The following KIT variants were observed in gnomAD, a reference collection of about 807,000 sequenced individuals.
KIT encodes the protein KIT proto-oncogene, receptor tyrosine kinase.
KIT carries 16 observed loss-of-function variants against 105.7 expected under a neutral mutation model. The observed-to-expected ratio is 0.15, with a 90% CI of 0.10 to 0.23. KIT has a LOEUF of 0.23. KIT is among the 10% of genes least tolerant of loss of function. The pLI, the probability that KIT is intolerant of heterozygous loss-of-function variation, is 1.00. For missense variants in KIT, 858 were observed against 1,213.8 expected (o/e 0.71, Z 4.36); for synonymous variants, 438 against 441.1 (o/e 0.99, Z 0.09).
chr4:54,672,845 G>A (rs1052631124), intron 1 of KIT, among the ~76,000 whole-genome samples: 7 of 152,168 alleles, frequency 4.6e-5, no homozygotes, highest in African/African-American at 1.7e-4. Flanking sequence ...GATGCCTTAT[G>A]GGAAGTAGTT....
intron 4 of KIT, among the ~76,000 whole-genome samples, chr4:54,703,208 C>T (rs557071743): frequency 1.3e-5 from 2 of 152,292 alleles, no homozygotes; most frequent in Non-Finnish European, 2.9e-5. Flanking sequence ...TTACAAGATT[C>T]TGCTGGGTGA....
intron 4 of KIT, among the ~76,000 whole-genome samples, chr4:54,699,991 G>T (rs922796327): frequency 6.6e-6 from 1 of 152,076 alleles, no homozygotes; most frequent in Non-Finnish European, 1.5e-5. Context: ...CATTTATTTT[G>T]AGAAACTTGA....
In KIT at chr4:54,678,179, T is replaced by C. The variant is rs533947720; in HGVS notation, c.68-17333T>C. Among the ~76,000 whole-genome samples, 7 of 152,344 alleles carry C rather than the reference T, an allele frequency of 4.6e-5. No homozygotes were observed. The East Asian group carries it at 5.8e-4, about 13-fold the overall frequency. On this transcript the variant is annotated intron_variant, in intron 1 of 20. Transcript: ENST00000288135. ...AGCTACCATCTGCCAGGAGTGTTGATAGCAGGAAGAACTATAATTTTGTGC... is the reference window on the plus strand; with the variant it reads ...AGCTACCATCTGCCAGGAGTGTTGACAGCAGGAAGAACTATAATTTTGTGC...
chr4:54,678,132 T>C (rs1718615940), intron 1 of KIT, among the ~76,000 whole-genome samples: 1 of 152,204 alleles, frequency 6.6e-6, no homozygotes, highest in Non-Finnish European at 1.5e-5. Context: ...ACACAATTCC[T>C]CACTCACTGT....
chr4:54,714,318 T>C (rs1170056086), intron 7 of KIT, among the ~76,000 whole-genome samples: 2 of 152,204 alleles, frequency 1.3e-5, no homozygotes, highest in Non-Finnish European at 2.9e-5. Context: ...ATGCTACTTA[T>C]TTAGGAACTG....
rs567660201 is a variant in KIT, at chr4:54,662,634, G to A, written c.67+4553G>A. Among the ~76,000 whole-genome samples the A allele has an allele frequency of 2.5e-3, 381 of 152,186 alleles. 4 individuals carry two copies. Among genetic ancestry groups the A allele is most frequent in the African/African-American group, 8.5e-3 (352 of 41,516 alleles). ...GTTGCCCAGGCTGGAGTGCAATGGC[G>A]CAATCTCGTCTCACTGCAACCTCCA... On this transcript the variant is annotated intron_variant, in intron 1 of 20. Coordinates refer to ENST00000288135, the MANE Select transcript of KIT (RefSeq NM_000222.3).
intron 4 of KIT, among the ~76,000 whole-genome samples, chr4:54,702,260 G>T (rs942064423): frequency 2.6e-5 from 4 of 151,478 alleles, no homozygotes; most frequent in African/African-American, 9.7e-5. Context: ...TTTTCTAGTA[G>T]GTACATTACA....
intron 1 of KIT, among the ~76,000 whole-genome samples, chr4:54,685,424 A>C (rs1719243744): frequency 6.6e-6 from 1 of 152,138 alleles, no homozygotes; most frequent in African/African-American, 2.4e-5. Context: ...TTCACTGTCC[A>C]GGGCCAGCCC....
intron 1 of KIT, among the ~76,000 whole-genome samples, chr4:54,685,775 C>T (rs1719268301): frequency 6.6e-6 from 1 of 152,206 alleles, no homozygotes; most frequent in Non-Finnish European, 1.5e-5. Flanking sequence ...AATGTCTCTC[C>T]CTTCTCCCCT....
intron 1 of KIT, among the ~76,000 whole-genome samples, chr4:54,682,841 T>A (rs1719045069): frequency 6.6e-6 from 1 of 150,502 alleles, no homozygotes; most frequent in East Asian, 2.0e-4. Flanking sequence ...AACCTCTGCC[T>A]CCCTGGTTCA....
chr4:54,696,446 T>C (rs1033836386), intron 2 of KIT, among the ~76,000 whole-genome samples: 1 of 152,194 alleles, frequency 6.6e-6, no homozygotes, highest in African/African-American at 2.4e-5. Flanking sequence ...ATGTAAAAAC[T>C]GATCCACTGG....
At chr4:54,683,424 C>T (rs1487786050) in intron 1 of KIT, among the ~76,000 whole-genome samples, 1 of 152,112 alleles carries the variant, frequency 6.6e-6, no homozygotes, top group Non-Finnish European at 1.5e-5. Flanking sequence ...ATAGCGTGAG[C>T]CCAGGAGTTC....
rs764847795 is a variant in KIT, at chr4:54,737,275, A to T, written c.2797A>T (p.Asn933Tyr). 1.9e-6 allele frequency: 3 copies of T among 1,606,372 alleles called. No individual in the cohort carries two copies. Among genetic ancestry groups the T allele is most frequent in the Non-Finnish European group, 2.6e-6 (3 of 1,172,962 alleles). The change falls in exon 20 of 21, where the codon AAT becomes TAT. Residue 933 changes from asparagine (N) to tyrosine (Y), a missense_variant. This residue lies in a region of KIT where 105 missense variants were observed against 103.5 expected (regional missense o/e 1.01). Transcript: ENST00000288135. ...TGAGAAGCAGATTTCAGAGAGCACC[A>T]ATCATGTGAGTATACCCTGGCCAGG... ...LIEKQISEST[N>Y]HIYSNLANCS...
intron 7 of KIT, among the ~76,000 whole-genome samples, chr4:54,722,561 G>T (rs1046532999): frequency 6.6e-6 from 1 of 151,928 alleles, no homozygotes; most frequent in South Asian, 2.1e-4. Context: ...CTATTCTTCA[G>T]AGTACAGGGT....
At chr4:54,702,977 C>G (rs559640222) in intron 4 of KIT, among the ~76,000 whole-genome samples, 32 of 152,206 alleles carry the variant, frequency 2.1e-4, no homozygotes, top group Non-Finnish European at 3.7e-4. Flanking sequence ...CTATATTAGA[C>G]TTTCTTTAAT....
At chr4:54,727,107 A>C in intron 9 of KIT, 111 bp from the exon 10 acceptor site, 1 of 865,332 alleles carries the variant, frequency 1.2e-6, no homozygotes, top group Middle Eastern at 2.2e-4. Context: ...ATAGCTTTGC[A>C]TCCTGCCATG....
intron 7 of KIT, among the ~76,000 whole-genome samples, chr4:54,710,477 G>A (rs1721077049): frequency 6.6e-6 from 1 of 152,144 alleles, no homozygotes; most frequent in South Asian, 2.1e-4. Flanking sequence ...AGGGTGTTGT[G>A]GGAACAAAGG....
intron 4 of KIT, among the ~76,000 whole-genome samples, chr4:54,701,161 T>G (rs1445622880): frequency 2.6e-5 from 4 of 152,222 alleles, no homozygotes; most frequent in Non-Finnish European, 4.4e-5. Flanking sequence ...TCCCAATTAA[T>G]CCACTGGTGC....
intron 7 of KIT, among the ~76,000 whole-genome samples, chr4:54,712,513 T>C (rs1282572560): frequency 6.6e-6 from 1 of 152,206 alleles, no homozygotes; most frequent in East Asian, 1.9e-4. Flanking sequence ...TTTCTTCTTT[T>C]TTCATGCTTC....
Sources: allele counts gnomAD v4.1 joint callset (sites outside exome capture counted in the v4.1 genomes callset), GRCh38; gene constraint gnomAD v4.1.1; regional missense constraint gnomAD v4.1.1; transcripts MANE v1.5; gene names NCBI Gene and HGNC (gene_info 2026-07-23, HGNC 2026-07-21).